The following TULP4 variants were observed in gnomAD, a reference collection of about 807,000 sequenced individuals.
TULP4 encodes tubby-related protein 4.
Under a neutral mutation model 129.0 loss-of-function variants are expected in TULP4, and 16 were observed. The observed-to-expected ratio is 0.12, with a 90% CI of 0.08 to 0.19. The LOEUF is 0.19. Ranked by LOEUF, TULP4 falls within the 10% of genes least tolerant of loss-of-function variation. The probability of loss-of-function intolerance (pLI) is 1.00; values close to 1 mark genes in which losing one functional copy is unlikely to be tolerated. For synonymous variants in TULP4, 998 were observed against 854.0 expected (o/e 1.17, Z -2.94); for missense variants, 1,842 against 2,059.1 (o/e 0.89, Z 2.04).
intron 1 of TULP4, among the ~76,000 whole-genome samples, chr6:158,409,194 A>G (rs752742840): frequency 2.0e-5 from 3 of 152,226 alleles, no homozygotes; most frequent in African/African-American, 7.2e-5. Context: ...TTATGGCCCA[A>G]ATGTAGGCTT....
intron 1 of TULP4, among the ~76,000 whole-genome samples, chr6:158,246,532 CATT>C (rs371621280): frequency 7.9e-4 from 120 of 151,740 alleles, no homozygotes; most frequent in African/African-American, 2.8e-3. Context: ...TGCTCAGAAA[CATT>C]AATCACATCT....
In TULP4 at chr6:158,371,601, A is replaced by G. The variant is rs940495869; in HGVS notation, c.253-41464A>G. ...TCACATTTCACTAATAACTTATTCT[A>G]AAGTGAAGTGGAGGCTGACAAGAGA... On this transcript the variant is annotated intron_variant, in intron 1 of 13. Transcript: ENST00000367097. Among the ~76,000 whole-genome samples the G allele has an allele frequency of 3.9e-5, 6 of 152,200 alleles. No individual in the cohort carries two copies. In the East Asian group the frequency reaches 5.8e-4, roughly 15 times the overall value.
intron 1 of TULP4, among the ~76,000 whole-genome samples, chr6:158,303,655 T>G (rs1779165735): frequency 6.6e-6 from 1 of 152,218 alleles, no homozygotes; most frequent in South Asian, 2.1e-4. Flanking sequence ...CCTGCTGCTG[T>G]GAATACTTTG....
chr6:158,355,757 A>T (rs1780632565), intron 1 of TULP4, among the ~76,000 whole-genome samples: 1 of 152,246 alleles, frequency 6.6e-6, no homozygotes, highest in Non-Finnish European at 1.5e-5. Context: ...AATGACTCTC[A>T]ACTTATGAGT....
At position 158,503,801 on chromosome 6, in the gene TULP4, GAGA is replaced by G. The variant is rs1048529401; in HGVS notation, c.4146_4148del (p.Lys1383del). 5 of 1,614,046 alleles carry G rather than the reference GAGA, an allele frequency of 3.1e-6. No individual in the cohort carries two copies. The highest frequency in any genetic ancestry group is 2.7e-5 in the African/African-American group (2 of 74,946). On this transcript the variant is annotated inframe_deletion, in exon 13 of 14. Transcript: ENST00000367097. This position sits in a 1 kb window ranked among gnomAD's most constrained non-coding sequence, Gnocchi z 4.3. Reference sequence around the variant, plus strand: ...AATCTCCAGCCCACACCTGGGGAGAGAGAAGAAGAAAGTGAAGAGTCAGAAAGA... The same window carrying G: ...AATCTCCAGCCCACACCTGGGGAGAGAGAAGAAAGTGAAGAGTCAGAAAGA...
Position 158,502,354 on chromosome 6 carries a change from G to A in TULP4, c.2691G>A (p.Val897=), listed in dbSNP as rs773858442. The A allele has an allele frequency of 6.2e-7, 1 of 1,613,812 alleles. No homozygotes were observed. Among genetic ancestry groups the A allele is most frequent in the Non-Finnish European group, 8.5e-7 (1 of 1,179,950 alleles). ...CCACCTTCGACAGCAGTGGCAACGT[G>A]GAGGAGGTGTGCCGGCCCCGCACCC... is the stretch of plus-strand genomic sequence containing the variant. The part of the protein sequence containing the change: ...RITTFDSSGN[V]EEVCRPRTRM... Residue 897 remains valine (V), a synonymous_variant, in exon 13 of 14, where the codon GTG becomes GTA. Transcript: ENST00000367097.
At position 158,314,279 on chromosome 6, in the gene TULP4, G is replaced by T. The variant is rs1779436488; in HGVS notation, c.252+11G>T. The T allele has an allele frequency of 6.2e-7, 1 of 1,609,806 alleles. No individual in the cohort carries two copies. Among genetic ancestry groups the T allele is most frequent in the Non-Finnish European group, 8.5e-7 (1 of 1,177,304 alleles). On this transcript the variant is annotated intron_variant, in intron 1 of 13. Transcript: ENST00000367097. ...GGCCACAATAGCGAGGTGAGCTGTG[G>T]TTTTGTTTCACTTTTTGGTCACTTC...
Position 158,503,131 on chromosome 6 carries a change from T to G in TULP4, c.3468T>G (p.Ser1156Arg). The G allele has an allele frequency of 6.2e-7, 1 of 1,613,752 alleles. No homozygotes were observed. The highest frequency in any genetic ancestry group is 8.5e-7 in the Non-Finnish European group (1 of 1,179,800). ...NPLKLSSLML[S>R]QGQHLDVSRL... ...TAAAACTGTCCTCTCTGATGCTGAG[T>G]CAGGGCCAGCACCTGGACGTGTCCC... is the stretch of plus-strand genomic sequence containing the variant. Residue 1156 changes from serine (S) to arginine (R), a missense_variant, in exon 13 of 14, where the codon AGT (serine) becomes AGG (arginine). Around this residue, in one of 5 missense-constraint regions of TULP4, gnomAD observed 1,089 missense variants for 987.1 expected, o/e 1.10. Coordinates refer to ENST00000367097, the MANE Select transcript of TULP4 (RefSeq NM_020245.5). The surrounding 1 kb of genome is among the most constrained non-coding windows in gnomAD (Gnocchi z 4.3).
intron 1 of TULP4, among the ~76,000 whole-genome samples, chr6:158,252,166 TATAAGTATTTTTC>T (rs1778153982): frequency 6.6e-6 from 1 of 152,228 alleles, no homozygotes; most frequent in African/African-American, 2.4e-5. Flanking sequence ...CTCTTAGGTG[TATAAGTATTTTTC>T]ATGGTTGGTT....
chr6:158,339,544 C>T (rs775050071), intron 1 of TULP4, among the ~76,000 whole-genome samples: 2 of 152,118 alleles, frequency 1.3e-5, no homozygotes, highest in Non-Finnish European at 2.9e-5. Context: ...GGCAGACACT[C>T]CTAGGGTGGC....
intron 1 of TULP4, among the ~76,000 whole-genome samples, chr6:158,239,491 A>C (rs1210996768): frequency 1.2e-3 from 38 of 31,590 alleles, no homozygotes; most frequent in Admixed American, 2.8e-3. Context: ...CCGGACGGGG[A>C]GGCTGGCCGG....
intron 4 of TULP4, 79 bp downstream of exon 4, chr6:158,449,255 G>A: frequency 7.0e-7 from 1 of 1,430,120 alleles, no homozygotes; most frequent in Non-Finnish European, 9.3e-7. Flanking sequence ...CTGATGTGGA[G>A]GAGGGAGGGT....
chr6:158,348,626 T>A (rs1340857940), intron 1 of TULP4, among the ~76,000 whole-genome samples: 1 of 151,162 alleles, frequency 6.6e-6, no homozygotes, highest in Non-Finnish European at 1.5e-5. Context: ...TCCCCACATT[T>A]CCCCCTTTTC....
At chr6:158,276,036 C>T (rs918188886) in intron 1 of TULP4, among the ~76,000 whole-genome samples, 2 of 152,144 alleles carry the variant, frequency 1.3e-5, no homozygotes, top group African/African-American at 4.8e-5. Flanking sequence ...GTGGTGCAAC[C>T]TCAACTCACT....
chr6:158,330,857 C>T (rs1189855306), intron 1 of TULP4, among the ~76,000 whole-genome samples: 1 of 152,154 alleles, frequency 6.6e-6, no homozygotes, highest in African/African-American at 2.4e-5. Flanking sequence ...TAGAAGAATG[C>T]TCCTCTTTCT....
At chr6:158,342,673 G>A (rs368526660) in intron 1 of TULP4, among the ~76,000 whole-genome samples, 1 of 152,164 alleles carries the variant, frequency 6.6e-6, no homozygotes, top group East Asian at 1.9e-4. Flanking sequence ...TGAAAGGGTG[G>A]ATTGAAGGCA....
chr6:158,297,936 A>T (rs1190086311), intron 1 of TULP4, among the ~76,000 whole-genome samples: 1 of 152,098 alleles, frequency 6.6e-6, no homozygotes, highest in African/African-American at 2.4e-5. Flanking sequence ...CTCAGTCCTT[A>T]TCTCAACCGC....
chr6:158,242,118 CAGA>C, intron 1 of TULP4: 1 of 869,842 alleles, frequency 1.1e-6, no homozygotes, highest in South Asian at 1.3e-5. Context: ...CCTGAAGCTG[CAGA>C]ATATAGGCCA....
chr6:158,269,215 A>G (rs947357835), intron 1 of TULP4, among the ~76,000 whole-genome samples: 5 of 152,284 alleles, frequency 3.3e-5, no homozygotes, highest in South Asian at 2.1e-4. Context: ...TTCCAAAGTA[A>G]CAGTGTTGTG....
Sources: allele counts gnomAD v4.1 joint callset (sites outside exome capture counted in the v4.1 genomes callset), GRCh38; gene constraint gnomAD v4.1.1; regional missense constraint gnomAD v4.1.1; non-coding constraint Gnocchi (gnomAD v3.1); transcripts MANE v1.5; gene names NCBI Gene and HGNC (gene_info 2026-07-23, HGNC 2026-07-21).